Variants in KCNQ3 observed in about 807,000 individuals in gnomAD.
KCNQ3 encodes potassium voltage-gated channel subfamily Q member 3, also known as potassium voltage-gated channel subfamily KQT member 3.
Under a neutral mutation model 92.5 loss-of-function variants are expected in KCNQ3, and 30 were observed. The observed-to-expected ratio is 0.32, with a 90% CI of 0.24 to 0.44. KCNQ3 has a LOEUF of 0.44. Among genes scored for constraint, KCNQ3 ranks in the 20% least tolerant of loss-of-function variants. The pLI is 1.00. For missense variants in KCNQ3, 913 were observed against 1,140.3 expected, an observed-to-expected ratio of 0.80 and a Z score of 2.87; for synonymous variants, 450 against 468.8, an observed-to-expected ratio of 0.96 and a Z score of 0.52.
intron 1 of KCNQ3, among the ~76,000 whole-genome samples, chr8:132,221,021 GTGTTCTCAT>G (rs1448419565): frequency 6.6e-6 from 1 of 152,066 alleles, no homozygotes; most frequent in Non-Finnish European, 1.5e-5. Context: ...CTGTGTCCAA[GTGTTCTCAT>G]TGTTCAATTC....
chr8:132,386,909 T>A (rs1451601453), intron 1 of KCNQ3, among the ~76,000 whole-genome samples: 1 of 152,158 alleles, frequency 6.6e-6, no homozygotes, highest in East Asian at 1.9e-4. Context: ...AACAACAATA[T>A]GATTTAAAAA....
intron 8 of KCNQ3, among the ~76,000 whole-genome samples, chr8:132,169,721 C>G (rs1245411449): frequency 2.0e-5 from 3 of 152,226 alleles, no homozygotes; most frequent in Non-Finnish European, 2.9e-5. Flanking sequence ...CCACTCTGTG[C>G]TGGCTAACTG....
intron 8 of KCNQ3, among the ~76,000 whole-genome samples, chr8:132,169,795 G>C (rs973666848): frequency 6.6e-6 from 1 of 152,218 alleles, no homozygotes; most frequent in African/African-American, 2.4e-5. Flanking sequence ...CTGCGGCCCC[G>C]GCCCTGGGGA....
chr8:132,263,542 A>G (rs553098109), intron 1 of KCNQ3, among the ~76,000 whole-genome samples: 1 of 152,380 alleles, frequency 6.6e-6, no homozygotes, highest in Non-Finnish European at 1.5e-5. Context: ...GGCCAGAAGC[A>G]GATGAAGCCA....
At chr8:132,179,133 C>T (rs1312556910) in intron 4 of KCNQ3, among the ~76,000 whole-genome samples, 1 of 150,802 alleles carries the variant, frequency 6.6e-6, no homozygotes, top group Non-Finnish European at 1.5e-5. Flanking sequence ...AGGGGTTTTC[C>T]TTCATTCCTC....
At chr8:132,449,221 G>A (rs1821765203) in intron 1 of KCNQ3, among the ~76,000 whole-genome samples, 1 of 152,128 alleles carries the variant, frequency 6.6e-6, no homozygotes, top group African/African-American at 2.4e-5. Flanking sequence ...ATCTTGAAAT[G>A]TGTCTTGTAA....
chr8:132,254,214 T>C (rs1815504600), intron 1 of KCNQ3, among the ~76,000 whole-genome samples: 2 of 152,212 alleles, frequency 1.3e-5, no homozygotes, highest in Admixed American at 6.5e-5. Flanking sequence ...GGTAGGAGGA[T>C]GTGTGAAACG....
At chr8:132,389,813 T>C (rs1820000549) in intron 1 of KCNQ3, among the ~76,000 whole-genome samples, 2 of 152,202 alleles carry the variant, frequency 1.3e-5, no homozygotes. Context: ...AACTCTCACA[T>C]GCTATTGCTA....
At chr8:132,231,096 A>G (rs1053184430) in intron 1 of KCNQ3, among the ~76,000 whole-genome samples, 2 of 152,214 alleles carry the variant, frequency 1.3e-5, no homozygotes, top group Non-Finnish European at 2.9e-5. Flanking sequence ...AGAATGATGC[A>G]TTCACAAGCC....
chr8:132,271,417 TTTTA>T lies in KCNQ3; in HGVS notation c.387-85240_387-85237del, dbSNP rs573940385. 3.8e-3 allele frequency among the ~76,000 whole-genome samples: 573 copies of T among 152,336 alleles called. 6 individuals carry two copies. The highest frequency in any genetic ancestry group is 0.013 in the African/African-American group (529 of 41,576). ...TTCTTCTATGAACTGCTTTGTCATA[TTTTA>T]TTTATTTATTTAATTTTCAAAAACA... On this transcript the variant is annotated intron_variant, in intron 1 of 14. Transcript: ENST00000388996.
Position 132,323,065 on chromosome 8 carries a change from G to T in KCNQ3, c.387-136884C>A, listed in dbSNP as rs542347711. On this transcript the variant is annotated intron_variant, in intron 1 of 14. Transcript: ENST00000388996. ...TGGACGTGCTTCCCTGCCCATCACGGATCCGGGAAGCTTCCTCCACCCCAA... is the reference window on the plus strand; with the variant it reads ...TGGACGTGCTTCCCTGCCCATCACGTATCCGGGAAGCTTCCTCCACCCCAA... 1.4e-4 allele frequency among the ~76,000 whole-genome samples: 21 copies of T among 152,258 alleles called. No individual in the cohort carries two copies. The East Asian group carries it at 4.1e-3, about 29-fold the overall frequency.
intron 1 of KCNQ3, among the ~76,000 whole-genome samples, chr8:132,329,916 T>G (rs1009499158): frequency 1.3e-5 from 2 of 152,226 alleles, no homozygotes; most frequent in African/African-American, 4.8e-5. Context: ...CAGCTGTGTA[T>G]GGCAGACCTG....
intron 1 of KCNQ3, among the ~76,000 whole-genome samples, chr8:132,215,842 C>G (rs1032027985): frequency 6.6e-6 from 1 of 152,170 alleles, no homozygotes; most frequent in East Asian, 1.9e-4. Flanking sequence ...AAGTTCCCTT[C>G]CATGGGGTGG....
At chr8:132,348,559 C>G (rs916875612) in intron 1 of KCNQ3, among the ~76,000 whole-genome samples, 1 of 152,166 alleles carries the variant, frequency 6.6e-6, no homozygotes, top group African/African-American at 2.4e-5. Context: ...TGTGCATAAA[C>G]TAAAATTTTA....
chr8:132,159,092 A>G (rs920125678), intron 9 of KCNQ3, among the ~76,000 whole-genome samples: 9 of 152,216 alleles, frequency 5.9e-5, no homozygotes, highest in Non-Finnish European at 1.0e-4. Flanking sequence ...AAAGATGTCC[A>G]TAATTATCAG....
intron 1 of KCNQ3, among the ~76,000 whole-genome samples, chr8:132,470,756 T>C (rs1822280880): frequency 6.6e-6 from 1 of 152,272 alleles, no homozygotes; most frequent in African/African-American, 2.4e-5. Flanking sequence ...TGAATTTGGC[T>C]GTTATGTCTC....
chr8:132,413,589 A>T (rs1042268783), intron 1 of KCNQ3, among the ~76,000 whole-genome samples: 1 of 152,242 alleles, frequency 6.6e-6, no homozygotes, highest in African/African-American at 2.4e-5. Flanking sequence ...GAGAGGAATG[A>T]AATGATTGTG....
intron 1 of KCNQ3, among the ~76,000 whole-genome samples, chr8:132,385,227 A>G (rs2130761377): frequency 6.6e-6 from 1 of 152,354 alleles, no homozygotes; most frequent in African/African-American, 2.4e-5. Context: ...AGGCCTTTGC[A>G]GGGACTGCAA....
intron 1 of KCNQ3, among the ~76,000 whole-genome samples, chr8:132,313,657 A>T (rs1817660749): frequency 6.6e-6 from 1 of 152,206 alleles, no homozygotes; most frequent in Non-Finnish European, 1.5e-5. Context: ...GAGCTATGAG[A>T]TGGGATCCAA....
Sources: allele counts gnomAD v4.1 joint callset (sites outside exome capture counted in the v4.1 genomes callset), GRCh38; gene constraint gnomAD v4.1.1; transcripts MANE v1.5; gene names NCBI Gene and HGNC (gene_info 2026-07-23, HGNC 2026-07-21).